Variants in SERPINB8 observed in about 807,000 individuals in gnomAD.
SERPINB8 encodes the protein serpin B8.
A neutral mutation model predicts 35.3 loss-of-function variants in SERPINB8; 25 were observed. That is an observed-to-expected ratio of 0.71 (90% CI 0.52 to 0.99). SERPINB8 has a LOEUF of 0.99. Ranked by LOEUF, SERPINB8 falls within the 50% of genes least tolerant of loss-of-function variation. The pLI is 0.00. For missense variants in SERPINB8, 484 were observed against 446.5 expected, an observed-to-expected ratio of 1.08 and a Z score of -0.76; for synonymous variants, 186 against 160.8, an observed-to-expected ratio of 1.16 and a Z score of -1.19.
intron 1 of SERPINB8, among the ~76,000 whole-genome samples, chr18:64,002,685 C>T (rs746790688): frequency 2.0e-5 from 3 of 152,030 alleles, no homozygotes; most frequent in Non-Finnish European, 4.4e-5. Context: ...CGGGGTGAGG[C>T]CTTGGAGAAG....
chr18:64,006,948 AT>A (rs1396163749), downstream of SERPINB8, among the ~76,000 whole-genome samples: 2 of 152,180 alleles, frequency 1.3e-5, no homozygotes, highest in African/African-American at 4.8e-5. Flanking sequence ...ATAAACCCAA[AT>A]GACTCAGAGG....
At position 63,985,259 on chromosome 18, in the gene SERPINB8, AATG is replaced by A. The variant is rs2050736003; in HGVS notation, c.720+16_720+18del. The A allele has an allele frequency of 6.2e-7, 1 of 1,613,540 alleles. No individual in the cohort carries two copies. The stretch of plus-strand genomic sequence containing the variant: ...GACCTCGCCGTGGTAAGCTCCAGGC[AATG>A]AGCCTGAGTATCTGTGGAGTCCAGC... On this transcript the variant is annotated intron_variant, in intron 6 of 6. Transcript: ENST00000397985.
intron 1 of SERPINB8, among the ~76,000 whole-genome samples, chr18:64,001,475 GTTTATTTA>G (rs59133514): frequency 2.0e-5 from 3 of 146,804 alleles, no homozygotes; most frequent in East Asian, 2.0e-4. Flanking sequence ...TTGTTTGTTT[GTTTATTTA>G]TTTATTTATT....
At position 63,985,100 on chromosome 18, in the gene SERPINB8, A is replaced by G. The variant is rs112284907; in HGVS notation, c.575A>G (p.Lys192Arg). ...CTTTAATTTTTCCGTTAGGAAAAAA[A>G]GACAGTGCAGATGATGTTTAAGGAA... ...GMLFKTNEEK[K>R]TVQMMFKEAK... is the part of the protein sequence containing the mutation. Residue 192 changes from lysine (K) to arginine (R), a missense_variant, in exon 6 of 7, where the codon AAG becomes AGG. Coordinates refer to ENST00000397985, the MANE Select transcript of SERPINB8 (RefSeq NM_002640.4). 2 of 1,613,630 alleles carry G rather than the reference A, an allele frequency of 1.2e-6. No homozygotes were observed. The highest frequency in any genetic ancestry group is 1.7e-6 in the Non-Finnish European group (2 of 1,179,734).
chr18:63,986,204 G>T (rs2050750891), intron 6 of SERPINB8: 1 of 1,545,336 alleles, frequency 6.5e-7, no homozygotes, highest in African/African-American at 1.4e-5. Context: ...GGGAAGGGGA[G>T]ATGCTAGTGG....
chr18:63,975,773 G>A (rs2050571940), intron 1 of SERPINB8, among the ~76,000 whole-genome samples: 1 of 152,094 alleles, frequency 6.6e-6, no homozygotes, highest in South Asian at 2.1e-4. Context: ...ATCTTAGGAG[G>A]AAGCGAAATA....
downstream of SERPINB8, among the ~76,000 whole-genome samples, chr18:64,008,145 C>T (rs1206212300): frequency 6.6e-6 from 1 of 152,082 alleles, no homozygotes; most frequent in Non-Finnish European, 1.5e-5. Flanking sequence ...GAAAGAATTG[C>T]TCAATTACTT....
chr18:64,004,861 A>C (rs2050892556), exon 2 of SERPINB8: 1 of 398,418 alleles, frequency 2.5e-6, no homozygotes, highest in South Asian at 1.3e-4. Flanking sequence ...CATTCTTGCC[A>C]ACATTATCAG....
rs894842419 is a variant in SERPINB8 at position 64,001,501 on chromosome 18, T to C, written c.71-3318T>C. Among the ~76,000 whole-genome samples, 108 of 151,810 alleles carry C rather than the reference T, an allele frequency of 7.1e-4. 3 individuals are homozygous for C. The highest frequency in any genetic ancestry group is 1.9e-4 in the Non-Finnish European group (13 of 67,932). On this transcript the variant is annotated intron_variant, in intron 1 of 1. Transcript: ENST00000493661. ...TTTATTTATTTATTTATTTATTTAT[T>C]TACTTAGAGACAGAGTTCTGCTCTT...
At chr18:64,001,330 C>T (rs548044135) in intron 1 of SERPINB8, among the ~76,000 whole-genome samples, 47 of 152,130 alleles carry the variant, frequency 3.1e-4, no homozygotes, top group Middle Eastern at 3.4e-3. Flanking sequence ...CTGCATTGCA[C>T]GTATTAAAAG....
At chr18:63,983,437 A>G (rs2050702664) in intron 4 of SERPINB8, 142 bp from the exon 5 acceptor site, 1 of 723,064 alleles carries the variant, frequency 1.4e-6, no homozygotes. Flanking sequence ...GCTAAACACC[A>G]TCGCCTAATT....
chr18:63,978,005 T>A (rs1025134615), intron 1 of SERPINB8, among the ~76,000 whole-genome samples: 1 of 152,292 alleles, frequency 6.6e-6, no homozygotes, highest in South Asian at 2.1e-4. Context: ...TGTCTCTGTC[T>A]CTGACTCTGC....
chr18:64,002,137 C>T (rs999737179), intron 1 of SERPINB8, among the ~76,000 whole-genome samples: 1 of 152,160 alleles, frequency 6.6e-6, no homozygotes, highest in African/African-American at 2.4e-5. Flanking sequence ...TGTCCCCAGC[C>T]ACTCTGTGTC....
At position 63,986,933 on chromosome 18, in the gene SERPINB8, A is replaced by G. The variant is rs1285122198; in HGVS notation, c.780A>G (p.Thr260=). The G allele has an allele frequency of 6.2e-7, 1 of 1,613,774 alleles. No homozygotes were observed. Among genetic ancestry groups the G allele is most frequent in the African/African-American group, 1.3e-5 (1 of 75,022 alleles). Residue 260 remains threonine (T), a synonymous_variant, in exon 7 of 7, where the codon ACA becomes ACG. Transcript: ENST00000397985. The part of the protein sequence containing the change: ...FKAWTNSEKL[T]KSKVQVFLPR... ...CCTGGACAAATTCAGAAAAGTTGAC[A>G]AAAAGTAAGGTTCAAGTTTTCCTTC...
downstream of SERPINB8, among the ~76,000 whole-genome samples, chr18:64,007,803 C>T (rs1044500336): frequency 3.3e-5 from 5 of 152,120 alleles, no homozygotes; most frequent in African/African-American, 1.2e-4. Context: ...GTGATCCAAT[C>T]ACCTCCCACC....
downstream of SERPINB8, among the ~76,000 whole-genome samples, chr18:64,009,774 C>T (rs1015777518): frequency 4.6e-5 from 7 of 152,066 alleles, no homozygotes; most frequent in Non-Finnish European, 1.0e-4. Context: ...CTTAGCATTC[C>T]GATAATGGGA....
chr18:63,976,110 C>G (rs2050577777), intron 1 of SERPINB8, among the ~76,000 whole-genome samples: 2 of 152,010 alleles, frequency 1.3e-5, no homozygotes, highest in South Asian at 4.2e-4. Flanking sequence ...TCTTGTTTGA[C>G]TACATTTTTC....
rs149035158 is a variant in SERPINB8, at chr18:63,987,196, G to A, written c.1043G>A (p.Cys348Tyr). 3 of 1,614,180 alleles carry A rather than the reference G, an allele frequency of 1.9e-6. No homozygotes were observed. The highest frequency in any genetic ancestry group is 2.5e-6 in the Non-Finnish European group (3 of 1,180,034). ...SRCSRMEPRF[C>Y]ADHPFLFFIR... Reference sequence around the variant, plus strand: ...TGCAGCAGAATGGAGCCAAGATTCTGTGCAGACCACCCTTTTCTTTTCTTC... The same window carrying A: ...TGCAGCAGAATGGAGCCAAGATTCTATGCAGACCACCCTTTTCTTTTCTTC... Residue 348 changes from cysteine (C) to tyrosine (Y), a missense_variant, in exon 7 of 7, where the codon TGT becomes TAT. Physicochemically the swap from Cys to Tyr is radical, Grantham distance 194. Transcript: ENST00000397985.
At chr18:63,977,685 G>T (rs1447882104) in intron 1 of SERPINB8, among the ~76,000 whole-genome samples, 1 of 152,124 alleles carries the variant, frequency 6.6e-6, no homozygotes, top group Non-Finnish European at 1.5e-5. Flanking sequence ...GGTGTTGCAG[G>T]GTGTCTGTGC....
Sources: gnomAD v4.1 joint callset for allele counts (sites outside exome capture counted in the v4.1 genomes callset) on GRCh38, gnomAD v4.1.1 for gene constraint, MANE v1.5 for transcripts, NCBI Gene and HGNC (gene_info 2026-07-23, HGNC 2026-07-21) for gene names.